Variants in CSMD1 observed in about 807,000 individuals in gnomAD.
The protein encoded by CSMD1 is CUB and Sushi multiple domains 1.
Under a neutral mutation model 417.5 loss-of-function variants are expected in CSMD1, and 213 were observed. That is an observed-to-expected ratio of 0.51 (90% CI 0.46 to 0.57). The LOEUF (loss-of-function observed/expected upper bound fraction) is 0.57, where lower values mean the gene tolerates loss of function less well. Among genes scored for constraint, CSMD1 ranks in the 20% least tolerant of loss-of-function variants. The pLI is 0.00. For synonymous variants in CSMD1, 2,862 were observed against 1,736.8 expected, an observed-to-expected ratio of 1.65 and a Z score of -16.11; for missense variants, 6,923 against 4,529.7, an observed-to-expected ratio of 1.53 and a Z score of -15.17.
intron 39 of CSMD1, among the ~76,000 whole-genome samples, chr8:3,156,174 T>C (rs1317361364): frequency 6.6e-6 from 1 of 152,164 alleles, no homozygotes; most frequent in Non-Finnish European, 1.5e-5. Flanking sequence ...CCATATAGAG[T>C]TGACCACTTT....
At chr8:4,052,466 T>C (rs981802017) in intron 3 of CSMD1, among the ~76,000 whole-genome samples, 2 of 152,192 alleles carry the variant, frequency 1.3e-5, no homozygotes, top group African/African-American at 2.4e-5. Context: ...CACTGCAAGA[T>C]GGATAATCTT....
chr8:4,441,567 C>G lies in CSMD1; in HGVS notation c.303-21502G>C, dbSNP rs371255641. The stretch of plus-strand genomic sequence containing the variant: ...CATAGAAGCACATGAAAGCCTATCT[C>G]ATCTATGCAAACATTTTATGTTCAA... On this transcript the variant is annotated intron_variant, in intron 2 of 69. Transcript: ENST00000635120. Among the ~76,000 whole-genome samples, 5 of 152,236 alleles carry G rather than the reference C, an allele frequency of 3.3e-5. No individual in the cohort carries two copies. The East Asian group carries it at 9.7e-4, about 29-fold the overall frequency.
chr8:4,102,980 G>T (rs979760982), intron 3 of CSMD1, among the ~76,000 whole-genome samples: 3 of 152,228 alleles, frequency 2.0e-5, no homozygotes, highest in South Asian at 2.1e-4. Context: ...TGCAGAGCCA[G>T]CAAATAAAAA....
chr8:4,122,061 T>C (rs1802515839), intron 3 of CSMD1, among the ~76,000 whole-genome samples: 1 of 152,040 alleles, frequency 6.6e-6, no homozygotes, highest in Non-Finnish European at 1.5e-5. Context: ...CCTTTTAAAA[T>C]AAATTTATAA....
intron 11 of CSMD1, among the ~76,000 whole-genome samples, chr8:3,479,051 C>T (rs1273546378): frequency 6.6e-6 from 1 of 151,982 alleles, no homozygotes; most frequent in East Asian, 1.9e-4. Context: ...GGAAATCCTT[C>T]TGCCCCCTCA....
chr8:4,423,738 A>AC (rs757494418), intron 2 of CSMD1, among the ~76,000 whole-genome samples: 11 of 151,894 alleles, frequency 7.2e-5, no homozygotes, highest in East Asian at 3.9e-4. Context: ...AAACAAACAA[A>AC]AAAAAATAGA....
chr8:4,059,284 T>G (rs1159864743), intron 3 of CSMD1, among the ~76,000 whole-genome samples: 1 of 151,828 alleles, frequency 6.6e-6, no homozygotes, highest in Non-Finnish European at 1.5e-5. Context: ...CTGGGACACA[T>G]TCAAAACACT....
At position 4,324,952 on chromosome 8, in the gene CSMD1, T is replaced by G. The variant is rs143210539; in HGVS notation, c.415+95001A>C. Among the ~76,000 whole-genome samples, 412 of 152,226 alleles carry G rather than the reference T, an allele frequency of 2.7e-3. 1 individual carries two copies. Among genetic ancestry groups the G allele is most frequent in the African/African-American group, 9.5e-3 (393 of 41,534 alleles). ...CTTCACGGGAAGGAGGCAATTGTAT[T>G]TGGAAAGGATATCATTATATCACTG... is the stretch of plus-strand genomic sequence containing the variant. On this transcript the variant is annotated intron_variant, in intron 3 of 69. Transcript: ENST00000635120.
chr8:3,086,715 C>T (rs1052095355), intron 49 of CSMD1, among the ~76,000 whole-genome samples: 1 of 152,100 alleles, frequency 6.6e-6, no homozygotes, highest in East Asian at 1.9e-4. Flanking sequence ...GCTTAGGGCT[C>T]AAAGAATGAG....
chr8:3,519,497 A>T (rs546297087), intron 10 of CSMD1, among the ~76,000 whole-genome samples: 14 of 152,188 alleles, frequency 9.2e-5, no homozygotes, highest in African/African-American at 3.4e-4. Context: ...TTCAAACTCC[A>T]GCCAGCTTGT....
intron 8 of CSMD1, among the ~76,000 whole-genome samples, chr8:3,608,981 C>G (rs1430101096): frequency 6.6e-6 from 1 of 152,092 alleles, no homozygotes; most frequent in Non-Finnish European, 1.5e-5. Context: ...TCCTCATTGG[C>G]TACTTTGTGA....
intron 2 of CSMD1, among the ~76,000 whole-genome samples, chr8:4,606,240 T>A (rs534064762): frequency 6.6e-6 from 1 of 152,224 alleles, no homozygotes; most frequent in East Asian, 1.9e-4. Flanking sequence ...GAAAATATGC[T>A]TCAGTTAGAA....
At chr8:3,393,536 G>C (rs1585097968) in intron 17 of CSMD1, among the ~76,000 whole-genome samples, 1 of 152,028 alleles carries the variant, frequency 6.6e-6, no homozygotes, top group East Asian at 1.9e-4. Context: ...TTTGAGAAGT[G>C]TCTGTTCATA....
chr8:4,093,014 A>G (rs150162270), intron 3 of CSMD1, among the ~76,000 whole-genome samples: 39 of 152,268 alleles, frequency 2.6e-4, no homozygotes, highest in African/African-American at 8.2e-4. Flanking sequence ...CCACTGAGGA[A>G]TGCTGTGAAC....
rs1363559635 is a variant in CSMD1, at chr8:3,295,395, G to A, written c.3951-11049C>T. 2.0e-5 allele frequency among the ~76,000 whole-genome samples: 3 copies of A among 152,156 alleles called. No individual in the cohort carries two copies. The East Asian group carries it at 5.8e-4, about 29-fold the overall frequency. On this transcript the variant is annotated intron_variant, in intron 25 of 69. Coordinates refer to ENST00000635120, the MANE Select transcript of CSMD1 (RefSeq NM_033225.6). ...CCCGCCTCGGCCTCCCAAAGTGCTG[G>A]GATTAGAGGTGTGAGCCACTGAGCC...
intron 5 of CSMD1, among the ~76,000 whole-genome samples, chr8:3,844,835 C>T (rs10110695): frequency 0.38 from 58,323 of 151,794 alleles, 12,171 homozygotes; most frequent in African/African-American, 0.56. Flanking sequence ...TTGTTTTTGT[C>T]TTTTGAAGGG....
intron 1 of CSMD1, among the ~76,000 whole-genome samples, chr8:4,836,507 T>C (rs558523256): frequency 1.4e-4 from 22 of 152,304 alleles, no homozygotes; most frequent in Middle Eastern, 3.4e-3. Flanking sequence ...ACATGAATCA[T>C]GCATATGCTA....
chr8:3,236,604 C>T (rs1288265678), intron 26 of CSMD1, among the ~76,000 whole-genome samples: 2 of 152,322 alleles, frequency 1.3e-5, no homozygotes, highest in East Asian at 1.9e-4. Flanking sequence ...CCCAGGGGCA[C>T]TCCATTAGGG....
At chr8:3,706,137 A>G (rs1480562393) in intron 7 of CSMD1, among the ~76,000 whole-genome samples, 1 of 152,186 alleles carries the variant, frequency 6.6e-6, no homozygotes, top group East Asian at 1.9e-4. Context: ...ACTTCCCTCC[A>G]TTTACTATGG....
Sources: allele counts gnomAD v4.1 joint callset (sites outside exome capture counted in the v4.1 genomes callset), GRCh38; gene constraint gnomAD v4.1.1; transcripts MANE v1.5; gene names NCBI Gene and HGNC (gene_info 2026-07-23, HGNC 2026-07-21).